Variants in RBM20 observed in about 807,000 individuals in gnomAD.
RBM20 encodes the protein RNA binding motif protein 20.
A neutral mutation model predicts 110.1 loss-of-function variants in RBM20; 51 were observed. The observed-to-expected ratio is 0.46, with a 90% confidence interval of 0.37 to 0.59. The LOEUF (loss-of-function observed/expected upper bound fraction) is 0.59, where lower values mean the gene tolerates loss of function less well. RBM20 is among the 20% of genes least tolerant of loss of function. RBM20 has a pLI of 0.00. For missense variants in RBM20, 1,512 were observed against 1,574.9 expected (o/e 0.96, Z 0.68); for synonymous variants, 589 against 618.2 (o/e 0.95, Z 0.70).
intron 1 of RBM20, among the ~76,000 whole-genome samples, chr10:110,653,017 T>C (rs528018078): frequency 6.6e-6 from 1 of 152,264 alleles, no homozygotes; most frequent in East Asian, 1.9e-4. Context: ...ACCATCACAT[T>C]TTCTTCTCTG....
intron 1 of RBM20, among the ~76,000 whole-genome samples, chr10:110,659,290 TA>T (rs1862067263): frequency 6.6e-6 from 1 of 152,184 alleles, no homozygotes; most frequent in South Asian, 2.1e-4. Context: ...CGGAAAGTCA[TA>T]AACTTCAGCT....
intron 9 of RBM20, among the ~76,000 whole-genome samples, chr10:110,815,098 C>T (rs543721153): frequency 1.3e-5 from 2 of 152,278 alleles, no homozygotes; most frequent in Admixed American, 6.5e-5. Context: ...AAAAGTGGCC[C>T]CTTCCACAGG....
chr10:110,646,738 T>C (rs568904025), intron 1 of RBM20, among the ~76,000 whole-genome samples: 2 of 152,364 alleles, frequency 1.3e-5, no homozygotes, highest in East Asian at 3.9e-4. Context: ...TGAAACTGCA[T>C]TTGCATAAGT....
chr10:110,720,050 C>T lies in RBM20; in HGVS notation c.192-60751C>T, dbSNP rs186104257. On this transcript the variant is annotated intron_variant, in intron 1 of 13. Coordinates refer to ENST00000369519, the MANE Select transcript of RBM20 (RefSeq NM_001134363.3). The stretch of plus-strand genomic sequence containing the variant: ...CAAGAGGGGTGAAGGAGCGCCCTGG[C>T]GGTGATCTTTTTTATAAGGGCACTA... Among the ~76,000 whole-genome samples the T allele has an allele frequency of 2.6e-3, 390 of 152,136 alleles. 5 individuals are homozygous for T. Among genetic ancestry groups the T allele is most frequent in the African/African-American group, 8.9e-3 (368 of 41,506 alleles).
intron 1 of RBM20, among the ~76,000 whole-genome samples, chr10:110,685,904 G>A (rs10885017): frequency 0.29 from 44,340 of 152,094 alleles, 6,954 homozygotes; most frequent in Middle Eastern, 0.41. Context: ...TAAAAGCACA[G>A]TGACGCAGGC....
intron 1 of RBM20, 63 bp from the exon 2 acceptor site, chr10:110,780,738 G>T: frequency 6.9e-7 from 1 of 1,448,638 alleles, no homozygotes; most frequent in Non-Finnish European, 9.1e-7. Context: ...AGATAACAAA[G>T]AACAGCCCCT....
rs1844929151 is a variant in RBM20, at chr10:110,822,596, G to A, written c.3316+661G>A. On this transcript the variant is annotated intron_variant, in intron 11 of 13. Coordinates refer to ENST00000369519, the MANE Select transcript of RBM20 (RefSeq NM_001134363.3). ...TTAAGATCCATCAGGGGGTTTGGGG[G>A]GAGGGAGAGAGAGTAGCCTTTAAGA... The A allele has an allele frequency of 6.4e-5, 26 of 407,434 alleles. 2 individuals are homozygous for A. Among genetic ancestry groups the A allele is most frequent in the South Asian group, 4.4e-4 (24 of 54,894 alleles). The allele number at this position is 407,434 out of a possible 1,614,324, so 25.2% of individuals were successfully genotyped here. A position where few individuals can be genotyped will look rare whatever the true frequency, so the allele number is the denominator to read the frequency against.
intron 1 of RBM20, among the ~76,000 whole-genome samples, chr10:110,759,062 C>G (rs1843959140): frequency 6.6e-6 from 1 of 152,240 alleles, no homozygotes; most frequent in South Asian, 2.1e-4. Context: ...CTAGGAAGGA[C>G]TCATTCCACA....
At chr10:110,793,609 T>C (rs558611340) in intron 5 of RBM20, among the ~76,000 whole-genome samples, 1 of 152,344 alleles carries the variant, frequency 6.6e-6, no homozygotes, top group African/African-American at 2.4e-5. Context: ...AACAGCTTGA[T>C]AGGTTACATC....
Position 110,812,573 on chromosome 10 carries a change from C to A in RBM20, c.2176C>A (p.Arg726=), listed in dbSNP as rs1393804220. The change falls in exon 9 of 14, where the codon CGA becomes AGA. Residue 726 remains arginine, a synonymous_variant. Coordinates refer to ENST00000369519, the MANE Select transcript of RBM20 (RefSeq NM_001134363.3). ...RQLDKAELDE[R]PEGGRPHREK... is the part of the protein sequence containing the mutation. ...ACTGGACAAGGCTGAGTTGGACGAGCGACCAGAAGGAGGGAGGCCCCACCG... is the reference window on the plus strand; with the variant it reads ...ACTGGACAAGGCTGAGTTGGACGAGAGACCAGAAGGAGGGAGGCCCCACCG... 1 of 1,551,686 alleles carries A rather than the reference C, an allele frequency of 6.4e-7. No homozygotes were observed. Among genetic ancestry groups the A allele is most frequent in the East Asian group, 2.4e-5 (1 of 40,916 alleles).
chr10:110,752,924 T>C (rs891698362), intron 1 of RBM20, among the ~76,000 whole-genome samples: 2 of 110,038 alleles, frequency 1.8e-5, no homozygotes, highest in African/African-American at 4.1e-5. Context: ...TTTATACATA[T>C]ATATATATAT....
intron 1 of RBM20, among the ~76,000 whole-genome samples, chr10:110,708,808 G>A (rs937784598): frequency 6.6e-6 from 1 of 152,148 alleles, no homozygotes; most frequent in Non-Finnish European, 1.5e-5. Context: ...TGAGGATCCT[G>A]GGGTTCCTAT....
intron 1 of RBM20, among the ~76,000 whole-genome samples, chr10:110,713,243 C>T (rs1219774488): frequency 6.6e-6 from 1 of 152,240 alleles, no homozygotes; most frequent in African/African-American, 2.4e-5. Context: ...GATTCCAGGT[C>T]TGGCGTGGCC....
At chr10:110,731,143 C>G (rs2134951696) in intron 1 of RBM20, among the ~76,000 whole-genome samples, 1 of 152,248 alleles carries the variant, frequency 6.6e-6, no homozygotes, top group Non-Finnish European at 1.5e-5. Flanking sequence ...TCTCTAGGTA[C>G]TCTGCATGAG....
intron 1 of RBM20, among the ~76,000 whole-genome samples, chr10:110,730,692 T>C (rs1039185762): frequency 1.3e-5 from 2 of 152,250 alleles, no homozygotes; most frequent in African/African-American, 4.8e-5. Context: ...GCGGTGGGAT[T>C]GAGTGCTCCC....
chr10:110,655,362 G>T lies in RBM20; in HGVS notation c.191+10717G>T, dbSNP rs1862007262. Among the ~76,000 whole-genome samples, 3 of 134,976 alleles carry T rather than the reference G, an allele frequency of 2.2e-5. No individual in the cohort carries two copies. The Admixed American group carries it at 2.7e-4, about 12-fold the overall frequency. The allele number at this position is 134,976 out of a possible 152,430, so 88.5% of individuals were successfully genotyped here. A position where few individuals can be genotyped will look rare whatever the true frequency, so the allele number is the denominator to read the frequency against. ...CAATTTAAATTCCATGAACAAATCT[G>T]ACTCTGGCATTTGATTCACTGTCTT... On this transcript the variant is annotated intron_variant, in intron 1 of 13. Coordinates refer to ENST00000369519, the MANE Select transcript of RBM20 (RefSeq NM_001134363.3).
rs1844662968 is a variant in RBM20 at position 110,803,879 on chromosome 10, A to G, written c.1800+3961A>G. Among the ~76,000 whole-genome samples, 2 of 148,262 alleles carry G rather than the reference A, an allele frequency of 1.3e-5. 1 individual carries two copies. The highest frequency in any genetic ancestry group is 4.3e-4 in the South Asian group (2 of 4,606). On this transcript the variant is annotated intron_variant, in intron 7 of 13. Transcript: ENST00000369519. ...ATGTAAATGAAACGTCCAGGAGTAG[A>G]TCTGGCTGCAGGTGCGGCTGGATTC...
intron 1 of RBM20, among the ~76,000 whole-genome samples, chr10:110,727,422 AT>A (rs1163757293): frequency 6.9e-6 from 1 of 145,466 alleles, no homozygotes; most frequent in African/African-American, 2.6e-5. Flanking sequence ...TAAAAAAAAA[AT>A]AAATAAAAAG....
chr10:110,781,231 G>T lies in RBM20; in HGVS notation c.622G>T (p.Gly208Cys). 1 of 1,551,652 alleles carries T rather than the reference G, an allele frequency of 6.4e-7. No homozygotes were observed. The highest frequency in any genetic ancestry group is 1.4e-5 in the African/African-American group (1 of 73,156). ...CACTGGGGTAATGCCTCAGACCCCT[G>T]GCCAGCCAGCAGTCATCTTGGGCAT... The part of the protein sequence containing the change: ...PFTGVMPQTP[G>C]QPAVILGIGK... Residue 208 changes from glycine (G) to cysteine (C), a missense_variant, in exon 2 of 14, where the codon GGC becomes TGC. This residue lies in a region of RBM20 where 1,149 missense variants were observed against 1,169.4 expected (regional missense o/e 0.98). Coordinates refer to ENST00000369519, the MANE Select transcript of RBM20 (RefSeq NM_001134363.3).
Sources: allele counts gnomAD v4.1 joint callset (sites outside exome capture counted in the v4.1 genomes callset), GRCh38; gene constraint gnomAD v4.1.1; regional missense constraint gnomAD v4.1.1; transcripts MANE v1.5; gene names NCBI Gene and HGNC (gene_info 2026-07-23, HGNC 2026-07-21).